CNTNAP2: variants seen among roughly 807,000 people sequenced by gnomAD.
CNTNAP2 encodes contactin-associated protein-like 2.
Under a neutral mutation model 155.2 loss-of-function variants are expected in CNTNAP2, and 98 were observed. The ratio of observed to expected loss-of-function variants is 0.63; its 90% CI spans 0.54 to 0.75. The LOEUF (loss-of-function observed/expected upper bound fraction) is 0.75, where lower values mean the gene tolerates loss of function less well. CNTNAP2 is among the 30% of genes least tolerant of loss of function. The pLI is 0.00. For synonymous variants in CNTNAP2, 651 were observed against 631.2 expected, an observed-to-expected ratio of 1.03 and a Z score of -0.47; for missense variants, 1,727 against 1,688.1, an observed-to-expected ratio of 1.02 and a Z score of -0.40.
chr7:146,285,019 C>T (rs1800304741), intron 1 of CNTNAP2, among the ~76,000 whole-genome samples: 1 of 152,294 alleles, frequency 6.6e-6, no homozygotes, highest in South Asian at 2.1e-4. Context: ...TACAGATTCT[C>T]TGCAACACTT....
intron 12 of CNTNAP2, chr7:147,638,732 A>C: frequency 2.5e-6 from 1 of 396,964 alleles, no homozygotes; most frequent in South Asian, 2.1e-5. Context: ...GAAAGAGAAA[A>C]TCCTGTTCCA....
At chr7:147,171,999 C>T (rs968621779) in intron 8 of CNTNAP2, among the ~76,000 whole-genome samples, 2 of 152,154 alleles carry the variant, frequency 1.3e-5, no homozygotes, top group Non-Finnish European at 2.9e-5. Context: ...CTATGCAAGA[C>T]ACTGTCGGGA....
intron 1 of CNTNAP2, among the ~76,000 whole-genome samples, chr7:146,401,443 G>C (rs1176201599): frequency 6.6e-6 from 1 of 152,126 alleles, no homozygotes; most frequent in Non-Finnish European, 1.5e-5. Context: ...ACAGAGAGGA[G>C]GCTTCTATGT....
At chr7:147,898,406 G>T (rs1052888097) in intron 13 of CNTNAP2, among the ~76,000 whole-genome samples, 2 of 152,186 alleles carry the variant, frequency 1.3e-5, no homozygotes, top group African/African-American at 4.8e-5. Flanking sequence ...TGTTCACATG[G>T]TAACTTTATG....
At position 147,194,967 on chromosome 7, in the gene CNTNAP2, T is replaced by C. The variant is rs536281236; in HGVS notation, c.1348+62458T>C. Among the ~76,000 whole-genome samples, 10 of 152,346 alleles carry C rather than the reference T, an allele frequency of 6.6e-5. No individual in the cohort carries two copies. The South Asian group carries it at 2.1e-3, about 32-fold the overall frequency. On this transcript the variant is annotated intron_variant, in intron 8 of 23. Coordinates refer to ENST00000361727, the MANE Select transcript of CNTNAP2 (RefSeq NM_014141.6). Reference sequence around the variant, plus strand: ...ATTTTGGCTTTTGTTGTAATTGCTTTTGGCATTTTTGTCATGAAGTCTTTG... The same window carrying C: ...ATTTTGGCTTTTGTTGTAATTGCTTCTGGCATTTTTGTCATGAAGTCTTTG...
intron 14 of CNTNAP2, among the ~76,000 whole-genome samples, chr7:147,974,574 G>A (rs987433940): frequency 3.3e-4 from 50 of 152,226 alleles, no homozygotes; most frequent in East Asian, 3.9e-4. Context: ...GCAGTGAGTC[G>A]AGATCGTGCC....
intron 9 of CNTNAP2, among the ~76,000 whole-genome samples, chr7:147,338,015 A>G (rs190896149): frequency 4.6e-5 from 7 of 152,270 alleles, no homozygotes; most frequent in Non-Finnish European, 1.0e-4. Flanking sequence ...AGTCTGGAAA[A>G]GATGAATAGG....
chr7:146,293,457 C>G (rs1434066852), intron 1 of CNTNAP2, among the ~76,000 whole-genome samples: 1 of 152,154 alleles, frequency 6.6e-6, no homozygotes, highest in African/African-American at 2.4e-5. Context: ...AGCTGGCTAG[C>G]AACATGAAAC....
At chr7:148,411,425 C>T (rs1337598608) in intron 23 of CNTNAP2, among the ~76,000 whole-genome samples, 1 of 152,066 alleles carries the variant, frequency 6.6e-6, no homozygotes, top group African/African-American at 2.4e-5. Context: ...ATCACCATGC[C>T]TGGCTAATTT....
chr7:147,653,839 C>T (rs1275295652), intron 13 of CNTNAP2, among the ~76,000 whole-genome samples: 1 of 152,134 alleles, frequency 6.6e-6, no homozygotes, highest in Non-Finnish European at 1.5e-5. Context: ...TAATCTTTCT[C>T]TTTAGAAGGC....
chr7:146,282,047 A>G (rs1210516133), intron 1 of CNTNAP2, among the ~76,000 whole-genome samples: 3 of 152,180 alleles, frequency 2.0e-5, no homozygotes, highest in Non-Finnish European at 4.4e-5. Context: ...GTAAAGGAAG[A>G]GGAGAAAGAA....
At chr7:148,091,974 A>G (rs1486940339) in intron 15 of CNTNAP2, among the ~76,000 whole-genome samples, 4 of 152,212 alleles carry the variant, frequency 2.6e-5, no homozygotes, top group Non-Finnish European at 5.9e-5. Flanking sequence ...GTTATCAGGA[A>G]GGAGGTAATT....
chr7:148,353,863 A>G (rs147607236), intron 21 of CNTNAP2, among the ~76,000 whole-genome samples: 150 of 152,306 alleles, frequency 9.8e-4, no homozygotes, highest in Non-Finnish European at 1.8e-3. Context: ...TCAAAAGTAA[A>G]CCAAAAATTC....
intron 1 of CNTNAP2, among the ~76,000 whole-genome samples, chr7:146,245,920 GAGGA>G (rs1554406786): frequency 8.8e-6 from 1 of 113,332 alleles, no homozygotes; most frequent in African/African-American, 8.1e-5. Context: ...GGATAGGAGA[GAGGA>G]TAGGGTTTGG....
At chr7:146,230,105 A>T (rs934862775) in intron 1 of CNTNAP2, among the ~76,000 whole-genome samples, 3 of 152,210 alleles carry the variant, frequency 2.0e-5, no homozygotes, top group African/African-American at 7.2e-5. Context: ...ATTTTGATCT[A>T]ATAAAAAATT....
intron 1 of CNTNAP2, among the ~76,000 whole-genome samples, chr7:146,621,196 T>G (rs1327901175): frequency 6.6e-6 from 1 of 152,192 alleles, no homozygotes; most frequent in Non-Finnish European, 1.5e-5. Context: ...TAAATAAACA[T>G]TTTTATTTTA....
chr7:146,906,097 C>A (rs532968012), intron 3 of CNTNAP2, among the ~76,000 whole-genome samples: 1 of 152,346 alleles, frequency 6.6e-6, no homozygotes, highest in South Asian at 2.1e-4. Flanking sequence ...TTCAGACCGG[C>A]TTAAAAAACG....
chr7:146,231,215 A>C (rs559269539), intron 1 of CNTNAP2, among the ~76,000 whole-genome samples: 2 of 152,230 alleles, frequency 1.3e-5, no homozygotes, highest in East Asian at 3.9e-4. Flanking sequence ...GATATGGATC[A>C]AGTAAGTTAG....
At chr7:147,119,254 G>T (rs1328750536) in intron 5 of CNTNAP2, among the ~76,000 whole-genome samples, 1 of 152,068 alleles carries the variant, frequency 6.6e-6, no homozygotes, top group Non-Finnish European at 1.5e-5. Context: ...ATCAACTGTG[G>T]CTTATAGCAG....
Sources: allele counts gnomAD v4.1 joint callset (sites outside exome capture counted in the v4.1 genomes callset), GRCh38; gene constraint gnomAD v4.1.1; transcripts MANE v1.5; gene names NCBI Gene and HGNC (gene_info 2026-07-23, HGNC 2026-07-21).